The following FAT4 variants were observed in gnomAD, a reference collection of about 807,000 sequenced individuals.
FAT4 encodes the protein protocadherin Fat 4.
FAT4 carries 84 observed loss-of-function variants against 303.9 expected under a neutral mutation model. The ratio of observed to expected loss-of-function variants is 0.28; its 90% CI spans 0.23 to 0.33. FAT4 has a LOEUF of 0.33. Ranked by LOEUF, FAT4 falls within the 10% of genes least tolerant of loss-of-function variation. The pLI, the probability that FAT4 is intolerant of heterozygous loss-of-function variation, is 1.00. For missense variants in FAT4, 6,005 were observed against 6,146.8 expected (o/e 0.98, Z 0.77); for synonymous variants, 2,307 against 2,298.8 (o/e 1.00, Z -0.10).
In FAT4 at chr4:125,320,141, C is replaced by T. The variant is rs951589427; in HGVS notation, c.3730C>T (p.Leu1244Phe). The change falls in exon 2 of 18, where the codon CTT becomes TTT. Residue 1244 changes from leucine (L) to phenylalanine (F), a missense_variant. Leu to Phe is a conservative substitution (Grantham distance 22). Transcript: ENST00000394329. The stretch of plus-strand genomic sequence containing the variant: ...AGATGTTGATGAAGGTAATAATGGA[C>T]TTATTCACTATTCTATAATAAAAGG... Reference protein sequence around the residue: ...ASDVDEGNNGLIHYSIIKGNE... With the variant: ...ASDVDEGNNGFIHYSIIKGNE... The T allele has an allele frequency of 6.2e-7, 1 of 1,613,848 alleles. No homozygotes were observed. The highest frequency in any genetic ancestry group is 1.3e-5 in the African/African-American group (1 of 74,910).
intron 2 of FAT4, among the ~76,000 whole-genome samples, chr4:125,355,749 T>C (rs1283161695): frequency 6.6e-6 from 1 of 151,884 alleles, no homozygotes; most frequent in Non-Finnish European, 1.5e-5. Flanking sequence ...GTGGACTCAA[T>C]TGAATTGGAG....
In FAT4 at chr4:125,449,670, C is replaced by T; in HGVS notation, c.8660C>T (p.Thr2887Ile). The T allele has an allele frequency of 1.2e-6, 2 of 1,613,952 alleles. No homozygotes were observed. The highest frequency in any genetic ancestry group is 1.7e-6 in the Non-Finnish European group (2 of 1,179,928). The change falls in exon 10 of 18, where the codon ACT becomes ATT. Residue 2887 changes from threonine to isoleucine, a missense_variant. Transcript: ENST00000394329. The part of the protein sequence containing the change: ...TSYYLDCPEL[T>I]EIGSKVTQVF... ...TATTATTTAGATTGCCCTGAACTTACTGAGATTGGCTCCAAAGTAACTCAG... is the reference window on the plus strand; with the variant it reads ...TATTATTTAGATTGCCCTGAACTTATTGAGATTGGCTCCAAAGTAACTCAG...
chr4:125,337,716 A>G (rs188142183), intron 2 of FAT4, among the ~76,000 whole-genome samples: 160 of 152,240 alleles, frequency 1.1e-3, no homozygotes, highest in African/African-American at 3.5e-3. Flanking sequence ...ATTACATATA[A>G]AATTTTCCTT....
chr4:125,350,849 A>G (rs9307560), intron 2 of FAT4, among the ~76,000 whole-genome samples: 17,706 of 151,780 alleles, frequency 0.12, 1,435 homozygotes, highest in African/African-American at 0.22. Context: ...GTATCTATTC[A>G]TCTTCCCCAA....
intron 2 of FAT4, among the ~76,000 whole-genome samples, chr4:125,327,939 T>C (rs868346395): frequency 3.3e-5 from 5 of 152,182 alleles, no homozygotes; most frequent in African/African-American, 9.7e-5. Flanking sequence ...CATTAGTGAC[T>C]GTAGCAAACT....
At position 125,320,129 on chromosome 4, in the gene FAT4, G is replaced by T. The variant is rs564198712; in HGVS notation, c.3718G>T (p.Gly1240Cys). ...LRVSASDVDE[G>C]NNGLIHYSII... is the part of the protein sequence containing the mutation. ...AGTATCTGCCTCAGATGTTGATGAA[G>T]GTAATAATGGACTTATTCACTATTC... The change falls in exon 2 of 18, where the codon GGT becomes TGT. Residue 1240 changes from glycine to cysteine, a missense_variant. Coordinates refer to ENST00000394329, the MANE Select transcript of FAT4 (RefSeq NM_001291303.3). 6 of 1,613,988 alleles carry T rather than the reference G, an allele frequency of 3.7e-6. No homozygotes were observed. In the African/African-American group the frequency reaches 6.7e-5, roughly 18 times the overall value.
chr4:125,385,504 T>G (rs1733712477), intron 2 of FAT4, among the ~76,000 whole-genome samples: 2 of 152,206 alleles, frequency 1.3e-5, no homozygotes, highest in South Asian at 4.1e-4. Context: ...TTTCCAGTTT[T>G]TTTCCATAGA....
chr4:125,399,653 G>T (rs145222073), intron 3 of FAT4, among the ~76,000 whole-genome samples: 1 of 151,668 alleles, frequency 6.6e-6, no homozygotes. Context: ...ATGTATTTCT[G>T]TAACCTTAAA....
chr4:125,481,371 T>A (rs1319237780), intron 15 of FAT4, 150 bp from the exon 16 acceptor site: 2 of 640,808 alleles, frequency 3.1e-6, no homozygotes, highest in East Asian at 2.8e-5. Context: ...GATTCATAAA[T>A]GGAAATTATT....
rs1323414098 is a variant in FAT4 at position 125,317,181 on chromosome 4, CG to C, written c.775del (p.Val259CysfsTer82). 1.3e-6 allele frequency: 2 copies of C among 1,598,902 alleles called. No homozygotes were observed. Among genetic ancestry groups the C allele is most frequent in the Non-Finnish European group, 8.5e-7 (1 of 1,169,792 alleles). ...GTTTTTGGCAGTTCTCACTACCAGG[CG>C]GGGGTGCCTGAGGACGCGGTTGTGG... ...PPVFGSSHYQAGVPEDAVVGS... is the reference protein window; with the variant it reads ...PPVFGSSHYQXGVPEDAVVGS... On this transcript the variant is annotated frameshift_variant, in exon 2 of 18. Coordinates refer to ENST00000394329, the MANE Select transcript of FAT4 (RefSeq NM_001291303.3). LOFTEE classifies it high-confidence loss of function. This position sits in a 1 kb window ranked among gnomAD's most constrained non-coding sequence, Gnocchi z 7.0.
Position 125,434,322 on chromosome 4 carries a change from A to T in FAT4, c.7096A>T (p.Ser2366Cys). 2 of 1,614,094 alleles carry T rather than the reference A, an allele frequency of 1.2e-6. No individual in the cohort carries two copies. Among genetic ancestry groups the T allele is most frequent in the Non-Finnish European group, 1.7e-6 (2 of 1,179,960 alleles). The change falls in exon 8 of 18, where the codon AGT becomes TGT. Residue 2366 changes from serine to cysteine, a missense_variant. Physicochemically the swap from Ser to Cys is moderately radical, Grantham distance 112 (BLOSUM62 -1). Transcript: ENST00000394329. ...DVNDNVPTFA[S>C]KAYFTTIPED... ...CAATGACAATGTCCCCACATTTGCC[A>T]GTAAAGCGTATTTCACAACAATTCC... is the stretch of plus-strand genomic sequence containing the variant.
At chr4:125,475,704 T>C (rs1438300093) in intron 12 of FAT4, among the ~76,000 whole-genome samples, 3 of 152,160 alleles carry the variant, frequency 2.0e-5, no homozygotes, top group Non-Finnish European at 4.4e-5. Flanking sequence ...ATTTATATTG[T>C]ATTTTCCTAA....
At position 125,491,815 on chromosome 4, in the gene FAT4, C is replaced by T. The variant is rs1727660450; in HGVS notation, c.*47C>T. On this transcript the variant is annotated 3_prime_UTR_variant, in exon 18 of 18. Coordinates refer to ENST00000394329, the MANE Select transcript of FAT4 (RefSeq NM_001291303.3). Reference sequence around the variant, plus strand: ...AAATATAAAAACAAGAAATAATACTCAAACCATTGTAAAGTTGCTGACTAG... The same window carrying T: ...AAATATAAAAACAAGAAATAATACTTAAACCATTGTAAAGTTGCTGACTAG... 5.3e-6 allele frequency: 8 copies of T among 1,505,986 alleles called. No individual in the cohort carries two copies. The African/African-American group carries it at 1.1e-4, about 21-fold the overall frequency. 93.3% of individuals were successfully genotyped at this position (1,505,986 alleles called of 1,614,324 possible).
intron 11 of FAT4, among the ~76,000 whole-genome samples, chr4:125,464,763 C>T (rs919550181): frequency 1.6e-4 from 24 of 151,900 alleles, no homozygotes; most frequent in African/African-American, 1.7e-4. Flanking sequence ...TGAGAACATG[C>T]GGTGTTTGGT....
intron 13 of FAT4, among the ~76,000 whole-genome samples, chr4:125,476,788 T>G (rs1727044905): frequency 6.6e-6 from 1 of 152,146 alleles, no homozygotes; most frequent in South Asian, 2.1e-4. Flanking sequence ...CTTACTGATA[T>G]TCTTTATCAT....
chr4:125,317,481 A>G lies in FAT4; in HGVS notation c.1070A>G (p.Tyr357Cys). 1 of 1,613,678 alleles carries G rather than the reference A, an allele frequency of 6.2e-7. No homozygotes were observed. The highest frequency in any genetic ancestry group is 8.5e-7 in the Non-Finnish European group (1 of 1,180,038). Reference protein sequence around the residue: ...NDNDPVVKFRYFPATSRYASV... With the variant: ...NDNDPVVKFRCFPATSRYASV... ...AATGACCCGGTAGTGAAGTTCCGCTACTTCCCGGCCACCTCGCGCTACGCC... is the reference window on the plus strand; with the variant it reads ...AATGACCCGGTAGTGAAGTTCCGCTGCTTCCCGGCCACCTCGCGCTACGCC... Residue 357 changes from tyrosine (Y) to cysteine (C), a missense_variant, in exon 2 of 18, where the codon TAC (tyrosine) becomes TGC (cysteine). Coordinates refer to ENST00000394329, the MANE Select transcript of FAT4 (RefSeq NM_001291303.3). This position sits in a 1 kb window ranked among gnomAD's most constrained non-coding sequence, Gnocchi z 7.0.
In FAT4 at chr4:125,408,672, A is replaced by G. The variant is rs1363118715; in HGVS notation, c.5798A>G (p.Asn1933Ser). 5.6e-6 allele frequency: 9 copies of G among 1,609,632 alleles called. No homozygotes were observed. The highest frequency in any genetic ancestry group is 5.5e-5 in the South Asian group (5 of 90,992). Reference sequence around the variant, plus strand: ...TTTACTACCATCAGAGTTTATTTCAATATTCTAGATGTAAATGATAATCCA... The same window carrying G: ...TTTACTACCATCAGAGTTTATTTCAGTATTCTAGATGTAAATGATAATCCA... ...GQFTTIRVYFNILDVNDNPPI... is the reference protein window; with the variant it reads ...GQFTTIRVYFSILDVNDNPPI... Residue 1933 changes from asparagine to serine, a missense_variant, in exon 5 of 18, where the codon AAT becomes AGT. Transcript: ENST00000394329.
At position 125,491,233 on chromosome 4, in the gene FAT4, G is replaced by C; in HGVS notation, c.14417G>C (p.Ser4806Thr). 6.2e-7 allele frequency: 1 copy of C among 1,614,104 alleles called. No individual in the cohort carries two copies. Among genetic ancestry groups the C allele is most frequent in the Non-Finnish European group, 8.5e-7 (1 of 1,180,024 alleles). Residue 4806 changes from serine to threonine, a missense_variant, in exon 18 of 18, where the codon AGT (serine) becomes ACT (threonine). Ser to Thr is a moderately conservative substitution (Grantham distance 58). Coordinates refer to ENST00000394329, the MANE Select transcript of FAT4 (RefSeq NM_001291303.3). ...RLNTPRPRNP[S>T]ICSADHGRSS... ...AACACACCTCGCCCTAGAAACCCAA[G>C]TATCTGCAGTGCAGACCATGGGAGG...
chr4:125,354,752 G>GAA (rs35163847), intron 2 of FAT4, among the ~76,000 whole-genome samples: 5,739 of 135,126 alleles, frequency 0.042, 286 homozygotes, highest in African/African-American at 0.12. Context: ...AGAGTTTAAT[G>GAA]AAAAAAAAAA....
Sources: gnomAD v4.1 joint callset for allele counts (sites outside exome capture counted in the v4.1 genomes callset) on GRCh38, gnomAD v4.1.1 for gene constraint, Gnocchi (gnomAD v3.1) non-coding constraint, MANE v1.5 for transcripts, NCBI Gene and HGNC (gene_info 2026-07-23, HGNC 2026-07-21) for gene names.